The following WWOX variants were observed in gnomAD, a reference collection of about 807,000 sequenced individuals.
WWOX encodes WW domain-containing oxidoreductase.
A neutral mutation model predicts 46.2 loss-of-function variants in WWOX; 69 were observed. The observed-to-expected ratio is 1.49, with a 90% CI of 1.23 to 1.82. The LOEUF (loss-of-function observed/expected upper bound fraction) is 1.82, where lower values mean the gene tolerates loss of function less well. Among genes scored for constraint, WWOX ranks in the 40% most tolerant of loss-of-function variants. WWOX has a pLI of 0.00. For synonymous variants in WWOX, 359 were observed against 202.6 expected (o/e 1.77, Z -6.56); for missense variants, 919 against 542.6 (o/e 1.69, Z -6.89).
At chr16:78,291,568 G>T (rs2151860833) in intron 5 of WWOX, among the ~76,000 whole-genome samples, 1 of 152,294 alleles carries the variant, frequency 6.6e-6, no homozygotes. Context: ...TGAAACCGCT[G>T]TTTGGATAGT....
intron 8 of WWOX, chr16:78,891,677 GCTGT>G (rs1165452522): frequency 1.3e-5 from 2 of 152,192 alleles, no homozygotes; most frequent in African/African-American, 4.8e-5. Flanking sequence ...TAGCAGCTAA[GCTGT>G]CTGTTTGCTC....
At chr16:78,735,901 G>A (rs1475258157) in intron 8 of WWOX, among the ~76,000 whole-genome samples, 4 of 143,132 alleles carry the variant, frequency 2.8e-5, no homozygotes, top group Non-Finnish European at 4.6e-5. Context: ...TCCAGAAACC[G>A]TATACCCAGT....
At chr16:79,011,580 C>T (rs1013228770) in intron 8 of WWOX, among the ~76,000 whole-genome samples, 1 of 151,864 alleles carries the variant, frequency 6.6e-6, no homozygotes, top group East Asian at 1.9e-4. Flanking sequence ...CAGCCTCAGC[C>T]TCCCTGGGCT....
intron 8 of WWOX, among the ~76,000 whole-genome samples, chr16:78,561,907 G>A (rs961654457): frequency 2.6e-5 from 4 of 152,150 alleles, no homozygotes; most frequent in African/African-American, 9.7e-5. Flanking sequence ...TATCTTCTCT[G>A]TGCCTTAACG....
intron 8 of WWOX, among the ~76,000 whole-genome samples, chr16:78,632,719 C>T (rs1023575683): frequency 1.3e-4 from 20 of 151,794 alleles, no homozygotes; most frequent in African/African-American, 4.3e-4. Flanking sequence ...CCACCACGCC[C>T]AGCTGATTTT....
At chr16:78,871,075 C>G (rs908142915) in intron 8 of WWOX, among the ~76,000 whole-genome samples, 3 of 151,896 alleles carry the variant, frequency 2.0e-5, no homozygotes, top group Non-Finnish European at 4.4e-5. Flanking sequence ...TCCCCTATAG[C>G]TCATAGAAGC....
chr16:78,947,294 G>A (rs1010853064), intron 8 of WWOX, among the ~76,000 whole-genome samples: 15 of 152,172 alleles, frequency 9.9e-5, no homozygotes, highest in Non-Finnish European at 1.6e-4. Context: ...GTTTCTGCCT[G>A]AAGCAATAAA....
At chr16:78,209,355 C>G (rs1281181060) in intron 5 of WWOX, among the ~76,000 whole-genome samples, 3 of 152,178 alleles carry the variant, frequency 2.0e-5, no homozygotes, top group African/African-American at 4.8e-5. Context: ...AGAGAGAGCC[C>G]TGTTCCTTCT....
At chr16:79,043,407 G>C (rs1207370365) in intron 8 of WWOX, among the ~76,000 whole-genome samples, 1 of 152,122 alleles carries the variant, frequency 6.6e-6, no homozygotes, top group African/African-American at 2.4e-5. Flanking sequence ...ATAAAATTAA[G>C]ACCAACATTG....
chr16:78,877,387 C>T (rs1251012984), intron 8 of WWOX, among the ~76,000 whole-genome samples: 1 of 151,988 alleles, frequency 6.6e-6, no homozygotes, highest in African/African-American at 2.4e-5. Flanking sequence ...CTGTCTCAGA[C>T]GCTTTGCCTT....
intron 8 of WWOX, among the ~76,000 whole-genome samples, chr16:79,019,856 GCTAGTTAAGCAACCC>G (rs2047495907): frequency 6.6e-6 from 1 of 152,142 alleles, no homozygotes; most frequent in Admixed American, 6.6e-5. Flanking sequence ...GTGATTTCAG[GCTAGTTAAGCAACCC>G]CTCGGATCCT....
chr16:79,123,312 C>G (rs1253587071), intron 8 of WWOX, among the ~76,000 whole-genome samples: 1 of 152,114 alleles, frequency 6.6e-6, no homozygotes, highest in Non-Finnish European at 1.5e-5. Context: ...GGATTACCAA[C>G]GTAGGCGTGA....
chr16:79,028,658 C>T (rs919985097), intron 8 of WWOX, among the ~76,000 whole-genome samples: 3 of 151,572 alleles, frequency 2.0e-5, no homozygotes, highest in Admixed American at 6.6e-5. Flanking sequence ...CGCTTCAGTG[C>T]GTGTTTCTTT....
intron 5 of WWOX, among the ~76,000 whole-genome samples, chr16:78,354,156 G>A (rs921869998): frequency 1.3e-5 from 2 of 152,084 alleles, no homozygotes; most frequent in African/African-American, 2.4e-5. Flanking sequence ...GCAGCTTTGT[G>A]TTTTGGTTTT....
intron 8 of WWOX, among the ~76,000 whole-genome samples, chr16:78,811,748 C>A (rs1046808124): frequency 1.3e-5 from 2 of 152,048 alleles, no homozygotes; most frequent in African/African-American, 4.8e-5. Flanking sequence ...AACCTAACAA[C>A]CTCTCCAGGG....
chr16:78,417,807 T>G (rs2082833083), intron 6 of WWOX, among the ~76,000 whole-genome samples: 5 of 152,188 alleles, frequency 3.3e-5, no homozygotes, highest in Admixed American at 3.3e-4. Context: ...GGACTGTGTA[T>G]TGACAATTGT....
intron 4 of WWOX, among the ~76,000 whole-genome samples, chr16:78,118,012 A>G (rs1201778885): frequency 6.6e-6 from 1 of 151,194 alleles, no homozygotes; most frequent in Non-Finnish European, 1.5e-5. Flanking sequence ...CAAATCTAGT[A>G]TTTCCAGTGG....
chr16:78,752,380 T>C (rs1247403459), intron 8 of WWOX, among the ~76,000 whole-genome samples: 1 of 152,188 alleles, frequency 6.6e-6, no homozygotes. Flanking sequence ...CTCTGCCTCC[T>C]GGGTTCAAGC....
At position 78,442,834 on chromosome 16, in the gene WWOX, A is replaced by G. The variant is rs180699330; in HGVS notation, c.1056+10082A>G. 5.9e-5 allele frequency among the ~76,000 whole-genome samples: 9 copies of G among 151,842 alleles called. No homozygotes were observed. The East Asian group carries it at 1.7e-3, about 30-fold the overall frequency. On this transcript the variant is annotated intron_variant, in intron 8 of 8. Transcript: ENST00000566780. ...GTCTCTACTAAAAAGATACAAAAAAATTGGCTGGCTGGTCATGGTGGCTCA... is the reference window on the plus strand; with the variant it reads ...GTCTCTACTAAAAAGATACAAAAAAGTTGGCTGGCTGGTCATGGTGGCTCA...
Sources: allele counts gnomAD v4.1 joint callset (sites outside exome capture counted in the v4.1 genomes callset), GRCh38; gene constraint gnomAD v4.1.1; transcripts MANE v1.5; gene names NCBI Gene and HGNC (gene_info 2026-07-23, HGNC 2026-07-21).